CCDC102B: variants seen among roughly 807,000 people sequenced by gnomAD.
The protein encoded by CCDC102B is coiled-coil domain-containing protein 102B.
In CCDC102B, 75 loss-of-function variants were observed where a neutral mutation model predicts 57.4. The ratio of observed to expected loss-of-function variants is 1.31; its 90% CI spans 1.08 to 1.58. The LOEUF is 1.58. Ranked by LOEUF, CCDC102B falls within the 40% of genes most tolerant of loss-of-function variation. The pLI is 0.00. For missense variants in CCDC102B, 636 were observed against 582.6 expected, an observed-to-expected ratio of 1.09 and a Z score of -0.94; for synonymous variants, 206 against 201.9, an observed-to-expected ratio of 1.02 and a Z score of -0.17.
chr18:68,728,732 A>G (rs2032716381), intron 2 of CCDC102B, among the ~76,000 whole-genome samples: 1 of 152,190 alleles, frequency 6.6e-6, no homozygotes, highest in African/African-American at 2.4e-5. Context: ...TATTCATCAA[A>G]CATTGTTAAG....
chr18:68,849,221 T>C (rs1438098951), intron 4 of CCDC102B, among the ~76,000 whole-genome samples: 1 of 152,112 alleles, frequency 6.6e-6, no homozygotes, highest in Non-Finnish European at 1.5e-5. Flanking sequence ...TCACACCTTA[T>C]CTTTTTAAAA....
chr18:68,814,479 A>G (rs900014829), intron 1 of CCDC102B, among the ~76,000 whole-genome samples: 3 of 152,144 alleles, frequency 2.0e-5, no homozygotes, highest in Non-Finnish European at 4.4e-5. Flanking sequence ...TGGACCAGAA[A>G]TGTAGGTTAG....
At chr18:68,758,453 G>A (rs2034132307) in intron 2 of CCDC102B, among the ~76,000 whole-genome samples, 1 of 151,956 alleles carries the variant, frequency 6.6e-6, no homozygotes, top group African/African-American at 2.4e-5. Flanking sequence ...GATTGTTTAA[G>A]ACAATCTATA....
At chr18:68,818,578 TGTC>T (rs2036581325) in intron 1 of CCDC102B, among the ~76,000 whole-genome samples, 1 of 152,180 alleles carries the variant, frequency 6.6e-6, no homozygotes, top group Non-Finnish European at 1.5e-5. Context: ...TATTCTGAGT[TGTC>T]GTGAGTAGCT....
intron 2 of CCDC102B, among the ~76,000 whole-genome samples, chr18:68,742,300 T>C (rs1568227485): frequency 6.6e-6 from 1 of 152,210 alleles, no homozygotes; most frequent in Non-Finnish European, 1.5e-5. Flanking sequence ...TCTGTCTTTG[T>C]GTCTCTTTTC....
chr18:69,032,929 C>T (rs1481789444), intron 7 of CCDC102B, among the ~76,000 whole-genome samples: 1 of 152,060 alleles, frequency 6.6e-6, no homozygotes, highest in Non-Finnish European at 1.5e-5. Flanking sequence ...AAAGTGTTTA[C>T]TAGAATGTTT....
At chr18:68,875,740 T>C (rs1338407697) in intron 5 of CCDC102B, among the ~76,000 whole-genome samples, 1 of 152,064 alleles carries the variant, frequency 6.6e-6, no homozygotes, top group Non-Finnish European at 1.5e-5. Flanking sequence ...ATAGTAATAA[T>C]AATATTAATA....
chr18:68,765,324 GGAAAGAAAGAAAGAAA>G (rs1298584705), intron 2 of CCDC102B, among the ~76,000 whole-genome samples: 13 of 60,386 alleles, frequency 2.2e-4, no homozygotes, highest in Non-Finnish European at 3.0e-4. Flanking sequence ...AAGGAAGGAA[GGAAAGAAAGAAAGAAA>G]GAAAGAAAGA....
intron 6 of CCDC102B, among the ~76,000 whole-genome samples, chr18:69,008,414 G>C (rs1377582294): frequency 6.6e-6 from 1 of 152,170 alleles, no homozygotes; most frequent in Non-Finnish European, 1.5e-5. Context: ...GTCCTGTCTA[G>C]CTGCCCAGAC....
chr18:69,011,021 G>T lies in CCDC102B; in HGVS notation c.1351G>T (p.Val451Leu), dbSNP rs765606208. Residue 451 changes from valine to leucine, a missense_variant, in exon 7 of 8, where the codon GTG becomes TTG. Transcript: ENST00000360242. ...AGAACTGACTCATGCAAACAACCGA[G>T]TGGATCAAAATGAAGCAGAAGTAAA... ...IAELTHANNR[V>L]DQNEAEVKKL... The T allele has an allele frequency of 1.9e-6, 3 of 1,613,786 alleles. No homozygotes were observed. Among genetic ancestry groups the T allele is most frequent in the Admixed American group, 3.3e-5 (2 of 59,984 alleles).
At chr18:68,828,810 A>T (rs1189192038) in intron 1 of CCDC102B, among the ~76,000 whole-genome samples, 1 of 151,718 alleles carries the variant, frequency 6.6e-6, no homozygotes, top group African/African-American at 2.4e-5. Context: ...ATATATTTAA[A>T]TATATTCTGT....
intron 2 of CCDC102B, among the ~76,000 whole-genome samples, chr18:68,781,875 C>T (rs988917130): frequency 1.3e-5 from 2 of 151,874 alleles, no homozygotes; most frequent in Admixed American, 1.3e-4. Context: ...GTTTTAATTT[C>T]AATTTTTAAG....
chr18:69,049,959 G>A (rs975776994), intron 7 of CCDC102B, among the ~76,000 whole-genome samples: 12 of 151,942 alleles, frequency 7.9e-5, no homozygotes, highest in Admixed American at 5.2e-4. Context: ...ACAGGTGCCC[G>A]CCACCATGCC....
rs2035470607 is a variant in CCDC102B at position 68,791,758 on chromosome 18, A to G, written c.-66-31608A>G. Among the ~76,000 whole-genome samples the G allele has an allele frequency of 2.6e-5, 4 of 152,102 alleles. No individual in the cohort carries two copies. The South Asian group carries it at 8.3e-4, about 32-fold the overall frequency. ...CTCTCATATATTCATATATATATTT[A>G]TATATGAAAAATAACAATGAGACTT... is the stretch of plus-strand genomic sequence containing the variant. On this transcript the variant is annotated intron_variant, in intron 2 of 3. Transcript: ENST00000578970.
chr18:69,005,916 A>G (rs1368752879), intron 6 of CCDC102B, among the ~76,000 whole-genome samples: 1 of 151,788 alleles, frequency 6.6e-6, no homozygotes, highest in Non-Finnish European at 1.5e-5. Flanking sequence ...ACTGTCAGTT[A>G]TATAGATTAG....
At chr18:68,793,590 TATCCATCCATCC>T (rs10628588), upstream of CCDC102B, among the ~76,000 whole-genome samples, 13 of 149,302 alleles carry the variant, frequency 8.7e-5, no homozygotes, top group South Asian at 4.3e-4. Flanking sequence ...GTTCATAGAA[TATCCATCCATCC>T]ATCCATCCAT....
In CCDC102B at chr18:68,741,667, T is replaced by TCACACACACACA. The variant is rs60407642; in HGVS notation, c.-67+25109_-67+25120dup. Among the ~76,000 whole-genome samples, 51 of 140,370 alleles carry TCACACACACACA rather than the reference T, an allele frequency of 3.6e-4. 1 individual carries two copies. The highest frequency in any genetic ancestry group is 1.3e-3 in the African/African-American group (49 of 37,584). The allele number at this position is 140,370 out of a possible 152,430, so 92.1% of individuals were successfully genotyped here. ...AATTTTGTCCAAATGTGAAGACTGG[T>TCACACACACACA]CACACACACACACACACACACACAC... On this transcript the variant is annotated intron_variant, in intron 2 of 3. Transcript: ENST00000578970.
At chr18:68,852,436 C>T (rs1005876761) in intron 4 of CCDC102B, among the ~76,000 whole-genome samples, 8 of 152,266 alleles carry the variant, frequency 5.3e-5, no homozygotes, top group Admixed American at 2.6e-4. Context: ...ATAGTGTTTT[C>T]ATATAGCCTA....
chr18:69,008,695 C>T lies in CCDC102B; in HGVS notation c.1264-2239C>T, dbSNP rs552139291. Among the ~76,000 whole-genome samples, 31 of 152,272 alleles carry T rather than the reference C, an allele frequency of 2.0e-4. No individual in the cohort carries two copies. The South Asian group carries it at 5.8e-3, about 28-fold the overall frequency. ...AGCATTTTCTCTGCCAGGTCCTGCC[C>T]TGCATCCACACCCTCACCCCACCTC... On this transcript the variant is annotated intron_variant, in intron 6 of 7. Transcript: ENST00000360242.
Sources: allele counts gnomAD v4.1 joint callset (sites outside exome capture counted in the v4.1 genomes callset), GRCh38; gene constraint gnomAD v4.1.1; transcripts MANE v1.5; gene names NCBI Gene and HGNC (gene_info 2026-07-23, HGNC 2026-07-21).